Variants in ADAMTS12 observed in about 807,000 individuals in gnomAD.
ADAMTS12 encodes ADAM metallopeptidase with thrombospondin type 1 motif 12.
ADAMTS12 carries 118 observed loss-of-function variants against 167.8 expected under a neutral mutation model. The ratio of observed to expected loss-of-function variants is 0.70; its 90% CI spans 0.61 to 0.82. The LOEUF (loss-of-function observed/expected upper bound fraction) is 0.82. ADAMTS12 is among the 40% of genes least tolerant of loss of function. ADAMTS12 has a pLI of 0.00. For missense variants in ADAMTS12, 1,916 were observed against 1,998.8 expected (o/e 0.96, Z 0.79); for synonymous variants, 704 against 716.9 (o/e 0.98, Z 0.29).
At chr5:33,564,710 T>C (rs143741361) in intron 19 of ADAMTS12, among the ~76,000 whole-genome samples, 1 of 152,312 alleles carries the variant, frequency 6.6e-6, no homozygotes, top group East Asian at 1.9e-4. Flanking sequence ...TTCTTCCTTA[T>C]AAGGGACTTT....
intron 3 of ADAMTS12, among the ~76,000 whole-genome samples, chr5:33,731,078 T>C (rs1031865494): frequency 3.3e-5 from 5 of 152,364 alleles, no homozygotes; most frequent in East Asian, 1.9e-4. Context: ...GGGATGTTTG[T>C]AGAGGATTTA....
intron 2 of ADAMTS12, among the ~76,000 whole-genome samples, chr5:33,813,276 T>C (rs577350412): frequency 6.6e-6 from 1 of 152,358 alleles, no homozygotes; most frequent in South Asian, 2.1e-4. Context: ...TGGATCGGTA[T>C]GTAGTGTTAT....
At chr5:33,743,072 T>G (rs1433272760) in intron 3 of ADAMTS12, among the ~76,000 whole-genome samples, 1 of 152,148 alleles carries the variant, frequency 6.6e-6, no homozygotes, top group Non-Finnish European at 1.5e-5. Context: ...GGGTGAGCCA[T>G]AAAGAAATTT....
In ADAMTS12 at chr5:33,771,458, G is replaced by A. The variant is rs538687971; in HGVS notation, c.490-19910C>T. Among the ~76,000 whole-genome samples, 7 of 152,094 alleles carry A rather than the reference G, an allele frequency of 4.6e-5. No homozygotes were observed. The East Asian group carries it at 1.4e-3, about 29-fold the overall frequency. ...GTGAAACATTCATCAACACATTAAT[G>A]GTATTAATGGTCCCACTCTGAGTGA... On this transcript the variant is annotated intron_variant, in intron 2 of 23. Transcript: ENST00000504830.
chr5:33,793,653 T>G (rs1579941356), intron 2 of ADAMTS12, among the ~76,000 whole-genome samples: 1 of 152,132 alleles, frequency 6.6e-6, no homozygotes, highest in African/African-American at 2.4e-5. Context: ...AAGCTCCATA[T>G]CCACATATTC....
At chr5:33,834,527 C>T (rs554926992) in intron 2 of ADAMTS12, among the ~76,000 whole-genome samples, 21 of 152,304 alleles carry the variant, frequency 1.4e-4, no homozygotes, top group African/African-American at 5.1e-4. Flanking sequence ...AAAACCCACT[C>T]CTCACTCAGG....
At chr5:33,664,720 T>C (rs1464292456) in intron 5 of ADAMTS12, among the ~76,000 whole-genome samples, 1 of 152,066 alleles carries the variant, frequency 6.6e-6, no homozygotes, top group East Asian at 1.9e-4. Flanking sequence ...TTAGTAGCCA[T>C]TATGGAAAAC....
chr5:33,751,503 C>G lies in ADAMTS12; in HGVS notation c.535G>C (p.Val179Leu). The change falls in exon 3 of 24, where the codon GTG becomes CTG. Residue 179 changes from valine (V) to leucine (L), a missense_variant. Coordinates refer to ENST00000504830, the MANE Select transcript of ADAMTS12 (RefSeq NM_030955.4). ...CCCTCAACCAGTGGATGCTTCTTCA[C>G]GGGTTCAATGAAAAAGTCTCCATGT... ...LPHGDFFIEPVKKHPLVEGGY... is the reference protein window; with the variant it reads ...LPHGDFFIEPLKKHPLVEGGY... 1 of 1,614,012 alleles carries G rather than the reference C, an allele frequency of 6.2e-7. No individual in the cohort carries two copies. The highest frequency in any genetic ancestry group is 8.5e-7 in the Non-Finnish European group (1 of 1,179,992).
chr5:33,864,177 G>A (rs531910588), intron 2 of ADAMTS12, among the ~76,000 whole-genome samples: 71 of 152,278 alleles, frequency 4.7e-4, no homozygotes, highest in African/African-American at 1.6e-3. Context: ...AGTAGGCAAA[G>A]GATATGAACA....
chr5:33,743,102 CAG>C (rs892851651), intron 3 of ADAMTS12, among the ~76,000 whole-genome samples: 9 of 152,260 alleles, frequency 5.9e-5, no homozygotes, highest in African/African-American at 1.9e-4. Flanking sequence ...GTGTTCCAGG[CAG>C]AGAGAACAGC....
intron 2 of ADAMTS12, among the ~76,000 whole-genome samples, chr5:33,789,804 G>A (rs757326826): frequency 1.3e-5 from 2 of 152,128 alleles, no homozygotes; most frequent in Admixed American, 6.5e-5. Context: ...TCTCAAGTTC[G>A]TTCTTGGCAT....
In ADAMTS12 at chr5:33,808,794, C is replaced by G. The variant is rs188325325; in HGVS notation, c.490-57246G>C. 1.8e-3 allele frequency among the ~76,000 whole-genome samples: 272 copies of G among 152,238 alleles called. 1 individual carries two copies. Among genetic ancestry groups the G allele is most frequent in the African/African-American group, 6.2e-3 (257 of 41,544 alleles). On this transcript the variant is annotated intron_variant, in intron 2 of 23. Coordinates refer to ENST00000504830, the MANE Select transcript of ADAMTS12 (RefSeq NM_030955.4). ...CCTTTCACAGATGAAGAAACTGAGGCCCAAGGAGATTAAAAGTCTTCCTTA... is the reference window on the plus strand; with the variant it reads ...CCTTTCACAGATGAAGAAACTGAGGGCCAAGGAGATTAAAAGTCTTCCTTA...
At chr5:33,705,733 T>TG (rs1306735160) in intron 3 of ADAMTS12, among the ~76,000 whole-genome samples, 1 of 152,020 alleles carries the variant, frequency 6.6e-6, no homozygotes, top group Non-Finnish European at 1.5e-5. Context: ...CGCTTGAACC[T>TG]GGGAGGCAGA....
At chr5:33,562,732 A>G (rs1221615259) in intron 19 of ADAMTS12, among the ~76,000 whole-genome samples, 1 of 151,914 alleles carries the variant, frequency 6.6e-6, no homozygotes, top group East Asian at 1.9e-4. Flanking sequence ...CCCAAGTTCA[A>G]GCAATTCTCC....
At chr5:33,559,879 C>G (rs1379514996) in intron 20 of ADAMTS12, among the ~76,000 whole-genome samples, 3 of 151,728 alleles carry the variant, frequency 2.0e-5, no homozygotes, top group Non-Finnish European at 1.5e-5. Context: ...GACTCCATCT[C>G]AAAAAAATAA....
intron 19 of ADAMTS12, among the ~76,000 whole-genome samples, chr5:33,569,732 CA>C (rs1273655920): frequency 6.6e-6 from 1 of 152,166 alleles, no homozygotes; most frequent in African/African-American, 2.4e-5. Flanking sequence ...AGCAATGGAA[CA>C]AAGCTGGATG....
chr5:33,582,467 A>G (rs1747115817), intron 18 of ADAMTS12, among the ~76,000 whole-genome samples: 1 of 152,198 alleles, frequency 6.6e-6, no homozygotes, highest in Admixed American at 6.5e-5. Flanking sequence ...GGGACTTCAC[A>G]TGAGTCTAGC....
chr5:33,788,081 C>T (rs1041042955), intron 2 of ADAMTS12, among the ~76,000 whole-genome samples: 1 of 152,166 alleles, frequency 6.6e-6, no homozygotes, highest in African/African-American at 2.4e-5. Flanking sequence ...CTTGCCCTGC[C>T]TTGGTCACCT....
At chr5:33,885,551 T>C (rs1327515012) in intron 1 of ADAMTS12, among the ~76,000 whole-genome samples, 1 of 152,090 alleles carries the variant, frequency 6.6e-6, no homozygotes, top group East Asian at 1.9e-4. Flanking sequence ...GTAAGAAGGA[T>C]TGAATGGGAG....
Sources: gnomAD v4.1 joint callset for allele counts (sites outside exome capture counted in the v4.1 genomes callset) on GRCh38, gnomAD v4.1.1 for gene constraint, MANE v1.5 for transcripts, NCBI Gene and HGNC (gene_info 2026-07-23, HGNC 2026-07-21) for gene names.